The following TMOD3 variants were observed in gnomAD, a reference collection of about 807,000 sequenced individuals.
TMOD3 encodes the protein tropomodulin-3.
TMOD3 carries 20 observed loss-of-function variants against 39.2 expected under a neutral mutation model. That is an observed-to-expected ratio of 0.51 (90% CI 0.36 to 0.74). TMOD3 has a LOEUF of 0.74. Ranked by LOEUF, TMOD3 falls within the 30% of genes least tolerant of loss-of-function variation. The pLI is 0.00. For synonymous variants in TMOD3, 143 were observed against 145.8 expected (o/e 0.98, Z 0.14); for missense variants, 381 against 412.8 (o/e 0.92, Z 0.67).
chr15:51,887,609 C>A lies in TMOD3; in HGVS notation c.304C>A (p.Gln102Lys), dbSNP rs2056571526. Residue 102 changes from glutamine (Q) to lysine (K), a missense_variant, in exon 4 of 10, where the codon CAG becomes AAG. Physicochemically the swap from Gln to Lys is moderately conservative, Grantham distance 53. Coordinates refer to ENST00000308580, the MANE Select transcript of TMOD3 (RefSeq NM_014547.5). ...TACAGGGAAAATATTTATCCCCAAA[C>A]AGAAACCTGTACAGACTTTTACAGA... is the stretch of plus-strand genomic sequence containing the variant. ...EKKGKIFIPK[Q>K]KPVQTFTEEK... The A allele has an allele frequency of 3.1e-6, 5 of 1,612,148 alleles. No homozygotes were observed. The highest frequency in any genetic ancestry group is 4.2e-6 in the Non-Finnish European group (5 of 1,179,540).
intron 1 of TMOD3, among the ~76,000 whole-genome samples, chr15:51,853,544 A>G (rs983223872): frequency 2.6e-5 from 4 of 152,200 alleles, no homozygotes; most frequent in African/African-American, 9.7e-5. Context: ...CTGATTTTCT[A>G]GGAAACACTC....
chr15:51,835,774 T>G (rs948421427), intron 1 of TMOD3, among the ~76,000 whole-genome samples: 10 of 152,352 alleles, frequency 6.6e-5, no homozygotes, highest in South Asian at 2.1e-4. Flanking sequence ...CCAACCTCAT[T>G]ATTCTTATGT....
chr15:51,903,359 A>G (rs760720324), intron 9 of TMOD3, among the ~76,000 whole-genome samples: 14 of 152,268 alleles, frequency 9.2e-5, no homozygotes, highest in Non-Finnish European at 2.1e-4. Context: ...ATTTTTAAAG[A>G]TGCATCTTAG....
At chr15:51,877,465 G>A (rs904686164) in intron 3 of TMOD3, among the ~76,000 whole-genome samples, 20 of 152,082 alleles carry the variant, frequency 1.3e-4, no homozygotes, top group Non-Finnish European at 2.9e-5. Flanking sequence ...GGATCACGAG[G>A]TCAGCAGTTC....
At chr15:51,896,639 A>T in intron 7 of TMOD3, 113 bp downstream of exon 7, 1 of 702,572 alleles carries the variant, frequency 1.4e-6, no homozygotes, top group East Asian at 2.7e-5. Context: ...TTAGCTCACT[A>T]TTAGGCAGTA....
At chr15:51,851,021 C>G (rs185966875) in intron 1 of TMOD3, among the ~76,000 whole-genome samples, 61 of 152,296 alleles carry the variant, frequency 4.0e-4, no homozygotes, top group African/African-American at 1.4e-3. Flanking sequence ...CCACCGCACT[C>G]GGCCGGAAGA....
At chr15:51,851,704 ATAT>A (rs1425975980) in intron 1 of TMOD3, among the ~76,000 whole-genome samples, 2 of 152,220 alleles carry the variant, frequency 1.3e-5, no homozygotes, top group African/African-American at 2.4e-5. Context: ...GGAATAAGAA[ATAT>A]TATTAAATAC....
At chr15:51,868,078 GC>G (rs1235502561) in intron 2 of TMOD3, among the ~76,000 whole-genome samples, 1 of 152,160 alleles carries the variant, frequency 6.6e-6, no homozygotes, top group African/African-American at 2.4e-5. Context: ...ATATATGTAC[GC>G]ATACACACAC....
intron 1 of TMOD3, among the ~76,000 whole-genome samples, chr15:51,853,677 C>G (rs1402926876): frequency 6.6e-6 from 1 of 151,336 alleles, no homozygotes; most frequent in Admixed American, 6.6e-5. Context: ...GGCATGATGT[C>G]TTATGCTGGT....
intron 7 of TMOD3, among the ~76,000 whole-genome samples, chr15:51,898,349 T>C (rs1225825639): frequency 1.3e-5 from 2 of 152,238 alleles, no homozygotes; most frequent in African/African-American, 4.8e-5. Context: ...GTTGAGGCTT[T>C]TCCTGACCGT....
chr15:51,901,870 T>A (rs761287745), intron 8 of TMOD3, 22 bp from the exon 9 acceptor site: 3 of 1,605,282 alleles, frequency 1.9e-6, no homozygotes, highest in Non-Finnish European at 2.5e-6. Context: ...TTAATATTGT[T>A]CTTTTTTTCT....
At position 51,908,852 on chromosome 15, in the gene TMOD3, C is replaced by A; in HGVS notation, c.*42C>A. 6.4e-7 allele frequency: 1 copy of A among 1,552,712 alleles called. No individual in the cohort carries two copies. Among genetic ancestry groups the A allele is most frequent in the Non-Finnish European group, 8.7e-7 (1 of 1,144,844 alleles). On this transcript the variant is annotated 3_prime_UTR_variant, in exon 10 of 10. Coordinates refer to ENST00000308580, the MANE Select transcript of TMOD3 (RefSeq NM_014547.5). Reference sequence around the variant, plus strand: ...TCTTTGGAAGACTTCAGAAGATCACCAAGGGCTCATGTTGGTGACATCATG... The same window carrying A: ...TCTTTGGAAGACTTCAGAAGATCACAAAGGGCTCATGTTGGTGACATCATG...
At chr15:51,901,676 A>G (rs1044654354) in intron 8 of TMOD3, among the ~76,000 whole-genome samples, 3 of 150,968 alleles carry the variant, frequency 2.0e-5, no homozygotes, top group Non-Finnish European at 2.9e-5. Context: ...TCCTGTGACA[A>G]ACATTTCATA....
At chr15:51,864,858 G>T (rs928639683) in intron 2 of TMOD3, among the ~76,000 whole-genome samples, 1 of 152,136 alleles carries the variant, frequency 6.6e-6, no homozygotes, top group Non-Finnish European at 1.5e-5. Flanking sequence ...GTTGGTTTGC[G>T]TATGAAAGGT....
intron 1 of TMOD3, chr15:51,835,176 T>G (rs2056276329): frequency 6.6e-6 from 1 of 152,354 alleles, no homozygotes; most frequent in African/African-American, 2.4e-5. Flanking sequence ...GAAGGAGATG[T>G]AAGCAAGGAA....
intron 7 of TMOD3, among the ~76,000 whole-genome samples, chr15:51,899,908 C>G (rs940686735): frequency 6.6e-6 from 1 of 152,124 alleles, no homozygotes; most frequent in Admixed American, 6.5e-5. Flanking sequence ...TATGCAAATA[C>G]TATGCCATTT....
At chr15:51,857,760 A>G (rs1040128612) in intron 1 of TMOD3, among the ~76,000 whole-genome samples, 8 of 152,160 alleles carry the variant, frequency 5.3e-5, no homozygotes, top group Non-Finnish European at 1.0e-4. Context: ...TAATTATCCA[A>G]ACATTAAAAA....
At chr15:51,865,952 T>C (rs1272639163) in intron 2 of TMOD3, among the ~76,000 whole-genome samples, 2 of 152,266 alleles carry the variant, frequency 1.3e-5, no homozygotes, top group Non-Finnish European at 2.9e-5. Context: ...AGAGCTTTTT[T>C]TCCCCCCCAA....
chr15:51,894,180 G>T (rs978835490), intron 6 of TMOD3, among the ~76,000 whole-genome samples: 6 of 152,172 alleles, frequency 3.9e-5, no homozygotes, highest in African/African-American at 1.2e-4. Context: ...CCTACAAACT[G>T]TCAGAATAAA....
Sources: gnomAD v4.1 joint callset for allele counts (sites outside exome capture counted in the v4.1 genomes callset) on GRCh38, gnomAD v4.1.1 for gene constraint, MANE v1.5 for transcripts, NCBI Gene and HGNC (gene_info 2026-07-23, HGNC 2026-07-21) for gene names.